PCDH9: variants seen among roughly 807,000 people sequenced by gnomAD.
The protein encoded by PCDH9 is protocadherin-9.
PCDH9 carries 24 observed loss-of-function variants against 70.6 expected under a neutral mutation model. That is an observed-to-expected ratio of 0.34 (90% CI 0.25 to 0.48). The LOEUF is 0.48. Ranked by LOEUF, PCDH9 falls within the 20% of genes least tolerant of loss-of-function variation. The pLI, the probability that PCDH9 is intolerant of heterozygous loss-of-function variation, is 0.99. For synonymous variants in PCDH9, 562 were observed against 558.5 expected, an observed-to-expected ratio of 1.01 and a Z score of -0.09; for missense variants, 1,281 against 1,503.6, an observed-to-expected ratio of 0.85 and a Z score of 2.45.
chr13:67,205,340 T>G (rs1174391342), intron 2 of PCDH9: 3 of 152,204 alleles, frequency 2.0e-5, no homozygotes, highest in African/African-American at 7.2e-5. Flanking sequence ...GTCAACATGT[T>G]GAATACTGCT....
intron 2 of PCDH9, among the ~76,000 whole-genome samples, chr13:67,165,818 G>T (rs536530615): frequency 6.6e-6 from 1 of 152,000 alleles, no homozygotes; most frequent in African/African-American, 2.4e-5. Flanking sequence ...ATTTTAAGAC[G>T]CATGGACATT....
At chr13:66,433,425 A>G (rs1957809672) in intron 4 of PCDH9, among the ~76,000 whole-genome samples, 1 of 151,838 alleles carries the variant, frequency 6.6e-6, no homozygotes, top group African/African-American at 2.4e-5. Flanking sequence ...AGAACTAATG[A>G]AAACCAGAAA....
intron 4 of PCDH9, among the ~76,000 whole-genome samples, chr13:66,402,553 T>C (rs928899259): frequency 4.6e-5 from 7 of 152,136 alleles, no homozygotes; most frequent in African/African-American, 1.4e-4. Flanking sequence ...AATCTGATTG[T>C]TGATTGGCCT....
chr13:66,913,895 T>A (rs1385614788), intron 2 of PCDH9, among the ~76,000 whole-genome samples: 1 of 151,942 alleles, frequency 6.6e-6, no homozygotes, highest in Non-Finnish European at 1.5e-5. Flanking sequence ...TTTCCACATG[T>A]TTTTTTAATT....
chr13:66,472,499 G>A (rs1958640331), intron 4 of PCDH9, among the ~76,000 whole-genome samples: 2 of 152,092 alleles, frequency 1.3e-5, no homozygotes, highest in Admixed American at 1.3e-4. Context: ...AGCAAGGGAA[G>A]TCAAGGTTCA....
At chr13:66,514,268 C>G (rs1005252851) in intron 4 of PCDH9, among the ~76,000 whole-genome samples, 10 of 151,980 alleles carry the variant, frequency 6.6e-5, no homozygotes, top group African/African-American at 2.4e-4. Flanking sequence ...CTAATGTAAT[C>G]CAATAAAATC....
chr13:66,960,958 C>A (rs9317630), intron 2 of PCDH9, among the ~76,000 whole-genome samples: 80,569 of 151,892 alleles, frequency 0.53, 21,754 homozygotes, highest in East Asian at 0.64. Context: ...TATTGGTCAT[C>A]TCTGAAAAGT....
At chr13:67,112,985 C>T (rs1182927681) in intron 2 of PCDH9, among the ~76,000 whole-genome samples, 1 of 152,168 alleles carries the variant, frequency 6.6e-6, no homozygotes, top group East Asian at 1.9e-4. Context: ...GCAAAAATGT[C>T]TAAGGCTTTT....
intron 3 of PCDH9, among the ~76,000 whole-genome samples, chr13:66,788,648 ATT>A (rs58386697): frequency 0.33 from 27,224 of 81,970 alleles, 2,608 homozygotes; most frequent in Middle Eastern, 0.41. Context: ...CTAAACAGTA[ATT>A]TTTTTTTTTT....
Position 67,225,994 on chromosome 13 carries a change from A to G in PCDH9, c.2447T>C (p.Met816Thr). ...PYQNEDYLTI[M>T]IAIIAGAMVV... ...CATGGCACCGGCGATGATGGCAATCATGATGGTTAGATAGTCCTCATTTTG... is the reference window on the plus strand; with the variant it reads ...CATGGCACCGGCGATGATGGCAATCGTGATGGTTAGATAGTCCTCATTTTG... The change falls in exon 2 of 5, where the codon ATG (methionine) becomes ACG (threonine). Residue 816 changes from methionine (M) to threonine (T), a missense_variant. By Grantham distance (81) the Met-to-Thr change is moderately conservative. This residue lies in a region of PCDH9 where 798 missense variants were observed against 1,003.1 expected (regional missense o/e 0.80). Transcript: ENST00000377865. 1 of 1,614,128 alleles carries G rather than the reference A, an allele frequency of 6.2e-7. No individual in the cohort carries two copies. Among genetic ancestry groups the G allele is most frequent in the Non-Finnish European group, 8.5e-7 (1 of 1,180,010 alleles).
At chr13:66,628,461 A>G (rs1344266005) in intron 4 of PCDH9, among the ~76,000 whole-genome samples, 3 of 152,230 alleles carry the variant, frequency 2.0e-5, no homozygotes, top group African/African-American at 4.8e-5. Flanking sequence ...CTAAGCTAGA[A>G]AACATAAACC....
intron 3 of PCDH9, among the ~76,000 whole-genome samples, chr13:66,740,896 G>A (rs1467393794): frequency 4.3e-5 from 5 of 115,148 alleles, no homozygotes; most frequent in African/African-American, 1.3e-4. Context: ...ATTCACAGCC[G>A]AATTCTACCA....
intron 2 of PCDH9, among the ~76,000 whole-genome samples, chr13:67,146,838 A>G (rs2087534729): frequency 1.3e-5 from 2 of 152,034 alleles, no homozygotes; most frequent in Admixed American, 1.3e-4. Context: ...GAGTTGTTTT[A>G]TTTTTTTCTG....
intron 4 of PCDH9, among the ~76,000 whole-genome samples, chr13:66,369,211 T>C (rs550599401): frequency 6.6e-6 from 1 of 152,130 alleles, no homozygotes; most frequent in African/African-American, 2.4e-5. Context: ...TGCAACTACA[T>C]AGATACTTTG....
At chr13:66,991,433 T>C (rs2084000860) in intron 2 of PCDH9, among the ~76,000 whole-genome samples, 1 of 151,512 alleles carries the variant, frequency 6.6e-6, no homozygotes. Context: ...GGTTGCATAC[T>C]AATAAGAAAA....
intron 4 of PCDH9, among the ~76,000 whole-genome samples, chr13:66,502,314 CTGTG>C (rs1959180965): frequency 6.6e-6 from 1 of 152,078 alleles, no homozygotes; most frequent in South Asian, 2.1e-4. Flanking sequence ...TAATACATGA[CTGTG>C]AGAAAATTTT....
At chr13:66,726,415 A>G (rs1728775741) in intron 3 of PCDH9, among the ~76,000 whole-genome samples, 1 of 152,172 alleles carries the variant, frequency 6.6e-6, no homozygotes, top group African/African-American at 2.4e-5. Flanking sequence ...GAAGCATACA[A>G]ACTCAGAGGG....
intron 3 of PCDH9, among the ~76,000 whole-genome samples, chr13:66,721,820 T>C (rs1260405474): frequency 6.6e-6 from 1 of 152,206 alleles, no homozygotes; most frequent in Non-Finnish European, 1.5e-5. Context: ...TATCTTTCTT[T>C]GTGCCCTTCC....
rs67490405 is a variant in PCDH9 at position 67,110,514 on chromosome 13, C to CAAA, written c.3036+114888_3036+114890dup. 1.8e-3 allele frequency among the ~76,000 whole-genome samples: 142 copies of CAAA among 78,378 alleles called. 1 individual carries two copies. Among genetic ancestry groups the CAAA allele is most frequent in the South Asian group, 2.2e-3 (4 of 1,792 alleles). 51.4% of individuals were successfully genotyped at this position (78,378 alleles called of 152,430 possible). On this transcript the variant is annotated intron_variant, in intron 2 of 4. Coordinates refer to ENST00000377865, the MANE Select transcript of PCDH9 (RefSeq NM_203487.3). Reference sequence around the variant, plus strand: ...GGGCGACAGAGACTCCACTCCATCTCAAAAAAAAAAAAAAAAAAAAAGGGA... The same window carrying CAAA: ...GGGCGACAGAGACTCCACTCCATCTCAAAAAAAAAAAAAAAAAAAAAAAAGGGA...
Sources: gnomAD v4.1 joint callset for allele counts (sites outside exome capture counted in the v4.1 genomes callset) on GRCh38, gnomAD v4.1.1 for gene constraint, gnomAD v4.1.1 regional missense constraint, MANE v1.5 for transcripts, NCBI Gene and HGNC (gene_info 2026-07-23, HGNC 2026-07-21) for gene names.